The following RBMS3 variants were observed in gnomAD, a reference collection of about 807,000 sequenced individuals.
RBMS3 encodes RNA binding motif single stranded interacting protein 3, also known as RNA-binding motif, single-stranded-interacting protein 3.
RBMS3 carries 27 observed loss-of-function variants against 66.8 expected under a neutral mutation model. The ratio of observed to expected loss-of-function variants is 0.40; its 90% CI spans 0.30 to 0.56. The LOEUF (loss-of-function observed/expected upper bound fraction) is 0.56. Ranked by LOEUF, RBMS3 falls within the 20% of genes least tolerant of loss-of-function variation. The pLI, the probability that RBMS3 is intolerant of heterozygous loss-of-function variation, is 0.40. For synonymous variants in RBMS3, 188 were observed against 183.0 expected, an observed-to-expected ratio of 1.03 and a Z score of -0.22; for missense variants, 513 against 549.5, an observed-to-expected ratio of 0.93 and a Z score of 0.66.
chr3:29,827,239 T>C (rs2058233702), intron 6 of RBMS3, among the ~76,000 whole-genome samples: 1 of 152,182 alleles, frequency 6.6e-6, no homozygotes, highest in Admixed American at 6.6e-5. Flanking sequence ...TAGAAGACAC[T>C]TATGGATGCA....
chr3:29,991,271 A>G (rs1463476488), intron 14 of RBMS3, 62 bp downstream of exon 14: 2 of 1,607,018 alleles, frequency 1.2e-6, no homozygotes, highest in African/African-American at 2.7e-5. Context: ...TCACTCTCTC[A>G]TGTTGTATGT....
intron 1 of RBMS3, among the ~76,000 whole-genome samples, chr3:29,422,916 G>C (rs1011975884): frequency 3.3e-5 from 5 of 152,238 alleles, no homozygotes; most frequent in African/African-American, 1.2e-4. Context: ...CCTAGGTTCT[G>C]TTCACATTTA....
intron 4 of RBMS3, among the ~76,000 whole-genome samples, chr3:29,622,976 G>A (rs548093473): frequency 6.6e-6 from 1 of 151,920 alleles, no homozygotes; most frequent in Admixed American, 6.5e-5. Flanking sequence ...AATTAGCCGG[G>A]TGTGGTGGCG....
At chr3:29,780,269 G>A (rs1436159321) in intron 6 of RBMS3, among the ~76,000 whole-genome samples, 1 of 151,310 alleles carries the variant, frequency 6.6e-6, no homozygotes, top group African/African-American at 2.4e-5. Context: ...GTTTGGTCTA[G>A]TTAGGTTTGA....
chr3:29,601,592 T>A (rs988924460), intron 4 of RBMS3, among the ~76,000 whole-genome samples: 2 of 152,052 alleles, frequency 1.3e-5, no homozygotes, highest in African/African-American at 4.8e-5. Context: ...TTTGCCTTAA[T>A]AAAATATTGC....
chr3:29,476,030 T>TAA (rs1248092427), intron 2 of RBMS3, among the ~76,000 whole-genome samples: 1 of 152,120 alleles, frequency 6.6e-6, no homozygotes, highest in Non-Finnish European at 1.5e-5. Flanking sequence ...CTTTGTCATG[T>TAA]AAAACATCCC....
chr3:29,973,979 A>G (rs1203415467), intron 12 of RBMS3, among the ~76,000 whole-genome samples: 1 of 151,764 alleles, frequency 6.6e-6, no homozygotes, highest in East Asian at 1.9e-4. Context: ...CCTGTGCTTC[A>G]CCTACCCTGG....
At chr3:29,398,896 G>T (rs1216909419) in intron 1 of RBMS3, among the ~76,000 whole-genome samples, 1 of 152,096 alleles carries the variant, frequency 6.6e-6, no homozygotes, top group East Asian at 1.9e-4. Context: ...GAGGACGATT[G>T]GTTTTGTTTT....
chr3:29,414,215 G>T (rs2040386574), intron 1 of RBMS3, among the ~76,000 whole-genome samples: 1 of 152,080 alleles, frequency 6.6e-6, no homozygotes, highest in East Asian at 1.9e-4. Context: ...AAAACAAAAA[G>T]GTCTTGAACT....
intron 3 of RBMS3, among the ~76,000 whole-genome samples, chr3:29,495,172 A>C (rs1334182496): frequency 1.3e-5 from 2 of 152,020 alleles, no homozygotes; most frequent in African/African-American, 4.8e-5. Context: ...TATGACACTT[A>C]TTTTATAGAG....
At chr3:29,728,140 A>G (rs887127641) in intron 4 of RBMS3, among the ~76,000 whole-genome samples, 2 of 151,992 alleles carry the variant, frequency 1.3e-5, no homozygotes, top group African/African-American at 4.8e-5. Flanking sequence ...CTCACTTATA[A>G]ATGGGAGTTG....
intron 5 of RBMS3, among the ~76,000 whole-genome samples, chr3:29,741,198 T>A (rs2054627391): frequency 6.6e-6 from 1 of 152,232 alleles, no homozygotes; most frequent in Non-Finnish European, 1.5e-5. Flanking sequence ...TTCTCCATAA[T>A]GTATACATAG....
At chr3:29,781,547 A>G (rs1282291415) in intron 6 of RBMS3, among the ~76,000 whole-genome samples, 1 of 152,206 alleles carries the variant, frequency 6.6e-6, no homozygotes, top group Non-Finnish European at 1.5e-5. Context: ...ATTATTAATC[A>G]GGGTTAGCTC....
intron 12 of RBMS3, among the ~76,000 whole-genome samples, chr3:29,981,860 T>C (rs1473376624): frequency 1.3e-5 from 2 of 152,218 alleles, no homozygotes; most frequent in African/African-American, 4.8e-5. Context: ...TGCATTGATG[T>C]TCATCAGGGA....
chr3:29,691,225 G>T (rs558742440), intron 4 of RBMS3, among the ~76,000 whole-genome samples: 2 of 152,276 alleles, frequency 1.3e-5, no homozygotes, highest in East Asian at 3.9e-4. Flanking sequence ...ATAAGTTCTT[G>T]TAAGTATTTT....
At chr3:29,416,834 G>T (rs371324901) in intron 1 of RBMS3, among the ~76,000 whole-genome samples, 1 of 152,188 alleles carries the variant, frequency 6.6e-6, no homozygotes, top group Non-Finnish European at 1.5e-5. Flanking sequence ...AGCCAGAAGC[G>T]AACTCTGTGC....
chr3:29,587,244 TTTTTTGTG>T (rs918100497), intron 4 of RBMS3, 39 bp downstream of exon 4: 5 of 840,762 alleles, frequency 5.9e-6, no homozygotes, highest in South Asian at 2.1e-5. Flanking sequence ...TTTTTTTTTT[TTTTTTGTG>T]TGTGTGTGTG....
At chr3:29,690,830 G>C (rs1301873259) in intron 4 of RBMS3, among the ~76,000 whole-genome samples, 1 of 152,112 alleles carries the variant, frequency 6.6e-6, no homozygotes, top group Admixed American at 6.5e-5. Context: ...ATTTGGACTA[G>C]TGTTAATTTA....
At chr3:29,604,037 A>G (rs955302504) in intron 4 of RBMS3, among the ~76,000 whole-genome samples, 5 of 151,972 alleles carry the variant, frequency 3.3e-5, no homozygotes, top group Admixed American at 6.6e-5. Context: ...GCTGCTAATC[A>G]TACTGCAATG....
Sources: allele counts gnomAD v4.1 joint callset (sites outside exome capture counted in the v4.1 genomes callset), GRCh38; gene constraint gnomAD v4.1.1; transcripts MANE v1.5; gene names NCBI Gene and HGNC (gene_info 2026-07-23, HGNC 2026-07-21).